Variants in ZNF221 observed in about 807,000 individuals in gnomAD.
ZNF221 encodes zinc finger protein 221.
ZNF221 carries 10 observed loss-of-function variants against 12.6 expected under a neutral mutation model. That is an observed-to-expected ratio of 0.79 (90% CI 0.49 to 1.34). ZNF221 has a LOEUF of 1.34. ZNF221 is among the 40% of genes most tolerant of loss of function. ZNF221 has a pLI of 0.00. For missense variants in ZNF221, 661 were observed against 721.4 expected (o/e 0.92, Z 0.96); for synonymous variants, 232 against 244.0 (o/e 0.95, Z 0.46).
chr19:43,964,894 C>T, intron 2 of ZNF221, 56 bp from the exon 3 acceptor site: 2 of 1,611,662 alleles, frequency 1.2e-6, no homozygotes, highest in Admixed American at 1.7e-5. Context: ...TAGTGCCACC[C>T]TTCTTTGAAT....
the ZNF221 span, among the ~76,000 whole-genome samples, chr19:43,974,986 T>C: frequency 6.6e-6 from 1 of 151,532 alleles, no homozygotes; most frequent in Non-Finnish European, 1.5e-5. Flanking sequence ...GTCATGCCAC[T>C]GCACTTCAGC....
chr19:43,968,699 A>G (rs1975030712), downstream of ZNF221, among the ~76,000 whole-genome samples: 1 of 152,202 alleles, frequency 6.6e-6, no homozygotes, highest in African/African-American at 2.4e-5. Flanking sequence ...TCTCATTGGG[A>G]CTGACTAGGC....
chr19:43,963,608 T>G (rs1974887416), intron 2 of ZNF221, among the ~76,000 whole-genome samples: 1 of 152,178 alleles, frequency 6.6e-6, no homozygotes, highest in Admixed American at 6.5e-5. Flanking sequence ...AAATGTCCAG[T>G]GATACTGGAA....
chr19:43,979,554 G>C, the ZNF221 span, among the ~76,000 whole-genome samples: 9 of 152,136 alleles, frequency 5.9e-5, no homozygotes, highest in East Asian at 1.7e-3. Context: ...TTTAAAAGTA[G>C]AGCTGAAGCT....
At chr19:43,962,602 G>A in intron 1 of ZNF221, 123 bp from the exon 2 acceptor site, 2 of 916,500 alleles carry the variant, frequency 2.2e-6, no homozygotes, top group South Asian at 1.4e-5. Context: ...TTGCAGTTTG[G>A]GGTTATGAGT....
downstream of ZNF221, among the ~76,000 whole-genome samples, chr19:43,968,758 C>T (rs1975031956): frequency 6.6e-6 from 1 of 152,152 alleles, no homozygotes; most frequent in Non-Finnish European, 1.5e-5. Flanking sequence ...GGAGTTATGG[C>T]CCACTTGGTG....
At chr19:43,975,013 CTG>C in the ZNF221 span, among the ~76,000 whole-genome samples, 4 of 150,346 alleles carry the variant, frequency 2.7e-5, no homozygotes, top group East Asian at 2.0e-4. Flanking sequence ...AACAGTGAAA[CTG>C]TGTCTCAAAA....
chr19:43,959,459 A>G (rs1361694938), intron 1 of ZNF221, among the ~76,000 whole-genome samples: 1 of 152,178 alleles, frequency 6.6e-6, no homozygotes, highest in Admixed American at 6.5e-5. Flanking sequence ...GTCCCTCCAT[A>G]TCTCCAGTGT....
At chr19:43,963,903 C>T (rs886361566) in intron 2 of ZNF221, among the ~76,000 whole-genome samples, 6 of 152,030 alleles carry the variant, frequency 3.9e-5, no homozygotes, top group East Asian at 1.9e-4. Context: ...TGTGTTCACT[C>T]GGAAGAGTGG....
intron 1 of ZNF221, among the ~76,000 whole-genome samples, chr19:43,951,650 G>T (rs1974672250): frequency 6.6e-6 from 1 of 152,092 alleles, no homozygotes; most frequent in South Asian, 2.1e-4. Flanking sequence ...GGGATATTAA[G>T]ACCTTCCTAA....
In ZNF221 at chr19:43,964,941, A is replaced by G. The variant is rs1484245443; in HGVS notation, c.82-9A>G. On this transcript the variant is annotated splice_polypyrimidine_tract_variant and intron_variant, in intron 2 of 4. Transcript: ENST00000587682. ...ATAAGATTTAGGTTTTGTATGTTGG[A>G]TATTTTAGGAGGCAGTGACATTCAA... 1.2e-6 allele frequency: 2 copies of G among 1,614,060 alleles called. No individual in the cohort carries two copies. The highest frequency in any genetic ancestry group is 1.7e-6 in the Non-Finnish European group (2 of 1,179,980).
the ZNF221 span, chr19:43,977,373 T>A: frequency 6.6e-6 from 1 of 152,232 alleles, no homozygotes; most frequent in Admixed American, 6.5e-5. Flanking sequence ...TACATTGTCA[T>A]ATGACAGTTC....
chr19:43,961,878 CAG>C (rs1281065319), intron 1 of ZNF221: 2 of 152,224 alleles, frequency 1.3e-5, no homozygotes, highest in African/African-American at 2.4e-5. Context: ...AGTGTCATAA[CAG>C]GGGCCAAATG....
Position 43,966,955 on chromosome 19 carries a change from A to G in ZNF221, c.1453A>G (p.Lys485Glu), listed in dbSNP as rs769810944. 6.2e-7 allele frequency: 1 copy of G among 1,614,080 alleles called. No individual in the cohort carries two copies. Among genetic ancestry groups the G allele is most frequent in the Non-Finnish European group, 8.5e-7 (1 of 1,180,024 alleles). ...ACCCTATAATTGTAAGGAATGTGGC[A>G]AGAGCTTTGGCTGGGCCTCCTGTCT... is the stretch of plus-strand genomic sequence containing the variant. Reference protein sequence around the residue: ...ERPYNCKECGKSFGWASCLLK... With the variant: ...ERPYNCKECGESFGWASCLLK... The change falls in exon 5 of 5, where the codon AAG (lysine) becomes GAG (glutamate). Residue 485 changes from lysine (K) to glutamate (E), a missense_variant. Coordinates refer to ENST00000587682, the MANE Select transcript of ZNF221 (RefSeq NM_001297588.2).
At chr19:43,964,711 T>C (rs1974907038) in intron 2 of ZNF221, among the ~76,000 whole-genome samples, 1 of 152,216 alleles carries the variant, frequency 6.6e-6, no homozygotes, top group African/African-American at 2.4e-5. Context: ...ACTCAATGAC[T>C]GCACAAAGTA....
In ZNF221 at chr19:43,966,078, C is replaced by T. The variant is rs767396690; in HGVS notation, c.576C>T (p.His192=). The T allele has an allele frequency of 3.7e-5, 60 of 1,614,248 alleles. No individual in the cohort carries two copies. Among genetic ancestry groups the T allele is most frequent in the Non-Finnish European group, 5.0e-5 (59 of 1,180,044 alleles). ...TCTTTGATCTTCATCAACAATCACA[C>T]TCAGGAGAGAAATCTCATACATGTG... The part of the protein sequence containing the change: ...VSVFDLHQQS[H]SGEKSHTCGE... The change falls in exon 5 of 5, where the codon CAC becomes CAT. Residue 192 remains histidine, a synonymous_variant. Coordinates refer to ENST00000587682, the MANE Select transcript of ZNF221 (RefSeq NM_001297588.2).
chr19:43,965,145 A>G (rs1328637299), intron 3 of ZNF221, 69 bp downstream of exon 3: 20 of 1,600,568 alleles, frequency 1.2e-5, no homozygotes, highest in Non-Finnish European at 1.7e-5. Context: ...AAGTTTGAGT[A>G]TGCATTGGGA....
downstream of ZNF221, among the ~76,000 whole-genome samples, chr19:43,970,982 A>G (rs1019339116): frequency 1.2e-4 from 18 of 152,226 alleles, no homozygotes; most frequent in African/African-American, 4.3e-4. Flanking sequence ...TCCAAGGTCA[A>G]AATTAAAAAA....
the ZNF221 span, among the ~76,000 whole-genome samples, chr19:43,974,965 A>T: frequency 2.0e-5 from 3 of 152,118 alleles, no homozygotes; most frequent in East Asian, 5.8e-4. Flanking sequence ...CAGAGGTTGC[A>T]GTGAGTCAAG....
Sources: allele counts gnomAD v4.1 joint callset (sites outside exome capture counted in the v4.1 genomes callset), GRCh38; gene constraint gnomAD v4.1.1; transcripts MANE v1.5; gene names NCBI Gene and HGNC (gene_info 2026-07-23, HGNC 2026-07-21).